ZNF521: variants seen among roughly 807,000 people sequenced by gnomAD.
ZNF521 encodes the protein LYST-interacting protein 3.
In ZNF521, 14 loss-of-function variants were observed where a neutral mutation model predicts 105.5. That is an observed-to-expected ratio of 0.13 (90% confidence interval 0.09 to 0.21). ZNF521 has a LOEUF of 0.21. Among genes scored for constraint, ZNF521 ranks in the 10% least tolerant of loss-of-function variants. The probability of loss-of-function intolerance (pLI) is 1.00; values close to 1 mark genes in which losing one functional copy is unlikely to be tolerated. For missense variants in ZNF521, 1,233 were observed against 1,629.7 expected, an observed-to-expected ratio of 0.76 and a Z score of 4.19; for synonymous variants, 635 against 606.0, an observed-to-expected ratio of 1.05 and a Z score of -0.70.
At chr18:25,329,369 G>A (rs191241104) in intron 2 of ZNF521, among the ~76,000 whole-genome samples, 2 of 152,304 alleles carry the variant, frequency 1.3e-5, no homozygotes, top group East Asian at 3.9e-4. Flanking sequence ...AAAGAGAAGA[G>A]TAAGTCAACG....
rs530984411 is a variant in ZNF521 at position 25,212,561 on chromosome 18, A to G, written c.3573+11784T>C. Among the ~76,000 whole-genome samples, 18 of 131,118 alleles carry G rather than the reference A, an allele frequency of 1.4e-4. No individual in the cohort carries two copies. In the South Asian group the frequency reaches 4.3e-3, roughly 31 times the overall value. The allele number at this position is 131,118 out of a possible 152,430, so 86.0% of individuals were successfully genotyped here. On this transcript the variant is annotated intron_variant, in intron 4 of 7. Coordinates refer to ENST00000361524, the MANE Select transcript of ZNF521 (RefSeq NM_015461.3). ...AAAATATATATATATATATATATAT[A>G]TATATGTATAGAAACATATATTTTA...
At chr18:25,132,163 T>C (rs2034652574) in intron 5 of ZNF521, among the ~76,000 whole-genome samples, 1 of 152,196 alleles carries the variant, frequency 6.6e-6, no homozygotes, top group Non-Finnish European at 1.5e-5. Context: ...ACGGGAGTAC[T>C]GGGAACATTT....
intron 6 of ZNF521, among the ~76,000 whole-genome samples, chr18:25,091,626 G>GC (rs1438933278): frequency 6.6e-6 from 1 of 151,890 alleles, no homozygotes; most frequent in Non-Finnish European, 1.5e-5. Context: ...TGTGCAGGCA[G>GC]CCTTACCCTT....
chr18:25,334,840 T>G (rs564862936), intron 2 of ZNF521, among the ~76,000 whole-genome samples: 1 of 152,162 alleles, frequency 6.6e-6, no homozygotes, highest in East Asian at 1.9e-4. Flanking sequence ...TCATCCAGAA[T>G]AGAAAGCTAT....
chr18:25,083,931 ATTT>A (rs56364504), intron 7 of ZNF521, among the ~76,000 whole-genome samples: 95 of 57,860 alleles, frequency 1.6e-3, no homozygotes, highest in Middle Eastern at 0.013. Flanking sequence ...AACCTGGGTA[ATTT>A]TTTTTTTTTT....
intron 3 of ZNF521, among the ~76,000 whole-genome samples, chr18:25,313,440 T>C (rs1233749792): frequency 6.6e-6 from 1 of 151,762 alleles, no homozygotes. Context: ...TCACCTACCA[T>C]ATGAAAGGGA....
intron 3 of ZNF521, among the ~76,000 whole-genome samples, chr18:25,266,859 GGTTTTT>G (rs561016609): frequency 5.6e-4 from 85 of 152,306 alleles, no homozygotes; most frequent in East Asian, 1.9e-3. Flanking sequence ...AGCTGCAGGA[GGTTTTT>G]GTTTTTGTTT....
chr18:25,103,519 A>C (rs1425510650), intron 5 of ZNF521, among the ~76,000 whole-genome samples: 2 of 152,154 alleles, frequency 1.3e-5, no homozygotes, highest in African/African-American at 4.8e-5. Context: ...GCTTACTAGA[A>C]ACATAACCCC....
At chr18:25,065,660 C>T (rs2144101202) in intron 7 of ZNF521, among the ~76,000 whole-genome samples, 1 of 151,452 alleles carries the variant, frequency 6.6e-6, no homozygotes, top group Non-Finnish European at 1.5e-5. Flanking sequence ...AGTTTAATTA[C>T]ATTATTTTCA....
At chr18:25,138,874 C>T (rs1044966986) in intron 5 of ZNF521, among the ~76,000 whole-genome samples, 1 of 152,098 alleles carries the variant, frequency 6.6e-6, no homozygotes, top group Admixed American at 6.6e-5. Context: ...ACGAACACTG[C>T]CTTACTCATT....
intron 5 of ZNF521, among the ~76,000 whole-genome samples, chr18:25,140,573 G>A (rs1440729574): frequency 6.6e-6 from 1 of 152,180 alleles, no homozygotes; most frequent in Non-Finnish European, 1.5e-5. Context: ...ATCCTCCATA[G>A]CATCAGTTCA....
At chr18:25,292,782 G>A (rs1460669545) in intron 3 of ZNF521, among the ~76,000 whole-genome samples, 1 of 152,214 alleles carries the variant, frequency 6.6e-6, no homozygotes. Context: ...AGTGGGAGAT[G>A]AGGGGATTAT....
chr18:25,351,662 T>TC (rs567478468), intron 1 of ZNF521: 3 of 152,022 alleles, frequency 2.0e-5, no homozygotes, highest in African/African-American at 7.3e-5. Flanking sequence ...TTTTCTCCCT[T>TC]CCCCCCACCC....
Position 25,103,869 on chromosome 18 carries a change from G to A in ZNF521, c.3659-11788C>T, listed in dbSNP as rs761995734. On this transcript the variant is annotated intron_variant, in intron 5 of 7. Transcript: ENST00000361524. Reference sequence around the variant, plus strand: ...GAGGAAGGAAAGACAAAAGACTCGTGGTAAGAAAGATTTCTTTCTCATTTC... The same window carrying A: ...GAGGAAGGAAAGACAAAAGACTCGTAGTAAGAAAGATTTCTTTCTCATTTC... 8.9e-4 allele frequency among the ~76,000 whole-genome samples: 136 copies of A among 152,038 alleles called. 2 individuals are homozygous for A. The highest frequency in any genetic ancestry group is 1.6e-3 in the Non-Finnish European group (112 of 67,966).
chr18:25,174,956 T>TA (rs2035511287), intron 5 of ZNF521, among the ~76,000 whole-genome samples: 1 of 152,206 alleles, frequency 6.6e-6, no homozygotes, highest in African/African-American at 2.4e-5. Context: ...CTAAAATACT[T>TA]ACCACATTAA....
chr18:25,202,995 TAAA>T (rs901794812), intron 4 of ZNF521, among the ~76,000 whole-genome samples: 5 of 152,198 alleles, frequency 3.3e-5, no homozygotes, highest in African/African-American at 1.2e-4. Context: ...AATGTCCTGA[TAAA>T]AAATCCATGT....
In ZNF521 at chr18:25,224,390, G is replaced by T. The variant is rs766102682; in HGVS notation, c.3528C>A (p.Pro1176=). 6.2e-7 allele frequency: 1 copy of T among 1,613,722 alleles called. No individual in the cohort carries two copies. The highest frequency in any genetic ancestry group is 8.5e-7 in the Non-Finnish European group (1 of 1,179,930). ...TGATTCTGGGCATTGGTGATACTTGGGGCGTTTTCAACTGTGTGCTGTTGC... is the reference window on the plus strand; with the variant it reads ...TGATTCTGGGCATTGGTGATACTTGTGGCGTTTTCAACTGTGTGCTGTTGC... ...PDSNSTQLKT[P]QVSPMPRISP... is the part of the protein sequence containing the mutation. Residue 1176 remains proline (P), a synonymous_variant, in exon 4 of 8, where the codon CCC becomes CCA. Transcript: ENST00000361524.
intron 5 of ZNF521, among the ~76,000 whole-genome samples, chr18:25,111,439 ATTAAC>A (rs1171927365): frequency 6.6e-6 from 1 of 152,200 alleles, no homozygotes; most frequent in East Asian, 1.9e-4. Context: ...TAAAGGCTCA[ATTAAC>A]TTAATAGTTA....
chr18:25,242,025 A>G (rs964235186), intron 3 of ZNF521, among the ~76,000 whole-genome samples: 6 of 152,222 alleles, frequency 3.9e-5, no homozygotes, highest in African/African-American at 1.4e-4. Context: ...TGTACAAATT[A>G]ATTTACTGCA....
Sources: allele counts gnomAD v4.1 joint callset (sites outside exome capture counted in the v4.1 genomes callset), GRCh38; gene constraint gnomAD v4.1.1; transcripts MANE v1.5; gene names NCBI Gene and HGNC (gene_info 2026-07-23, HGNC 2026-07-21).